PPM1L: variants seen among roughly 807,000 people sequenced by gnomAD.
PPM1L encodes protein phosphatase, Mg2+/Mn2+ dependent 1L.
In PPM1L, 13 loss-of-function variants were observed where a neutral mutation model predicts 31.4. The observed-to-expected ratio is 0.41, with a 90% CI of 0.27 to 0.66. PPM1L has a LOEUF of 0.66. PPM1L is among the 30% of genes least tolerant of loss of function. The probability of loss-of-function intolerance (pLI) is 0.29; values close to 1 mark genes in which losing one functional copy is unlikely to be tolerated. For synonymous variants in PPM1L, 184 were observed against 175.4 expected (o/e 1.05, Z -0.39); for missense variants, 326 against 453.7 (o/e 0.72, Z 2.56).
intron 1 of PPM1L, among the ~76,000 whole-genome samples, chr3:160,906,116 A>G (rs964830921): frequency 2.0e-5 from 3 of 151,984 alleles, no homozygotes; most frequent in Admixed American, 2.0e-4. Context: ...ATTCTTTAAA[A>G]TTTTATATTT....
chr3:160,915,498 A>G (rs1336274770), intron 1 of PPM1L, among the ~76,000 whole-genome samples: 2 of 152,214 alleles, frequency 1.3e-5, no homozygotes, highest in Admixed American at 6.5e-5. Context: ...GGTAATTTAT[A>G]GATTCAATGC....
intron 1 of PPM1L, among the ~76,000 whole-genome samples, chr3:160,960,067 C>T (rs1209625707): frequency 2.6e-5 from 4 of 151,664 alleles, no homozygotes; most frequent in African/African-American, 9.7e-5. Flanking sequence ...TACATATAGT[C>T]CTATCTCATT....
intron 1 of PPM1L, among the ~76,000 whole-genome samples, chr3:160,761,990 T>C (rs962512020): frequency 6.6e-6 from 1 of 152,228 alleles, no homozygotes; most frequent in Non-Finnish European, 1.5e-5. Flanking sequence ...CAAGATGAGA[T>C]TTGGGTGGGG....
intron 1 of PPM1L, among the ~76,000 whole-genome samples, chr3:160,774,673 C>T (rs1576631535): frequency 1.3e-5 from 2 of 152,186 alleles, no homozygotes; most frequent in South Asian, 2.1e-4. Flanking sequence ...CTGATGGATA[C>T]ACATGCTTGC....
chr3:161,055,569 A>G (rs1719388660), intron 2 of PPM1L, among the ~76,000 whole-genome samples: 1 of 152,134 alleles, frequency 6.6e-6, no homozygotes, highest in South Asian at 2.1e-4. Context: ...CTCATTGTCA[A>G]ACCTTTACGA....
chr3:160,930,792 G>C (rs1297519712), intron 1 of PPM1L, among the ~76,000 whole-genome samples: 1 of 151,904 alleles, frequency 6.6e-6, no homozygotes, highest in Non-Finnish European at 1.5e-5. Flanking sequence ...TGGAGTGAGA[G>C]CTGGTGCCAT....
At chr3:160,794,383 C>CAATAA (rs1345441687) in intron 1 of PPM1L, among the ~76,000 whole-genome samples, 2 of 151,970 alleles carry the variant, frequency 1.3e-5, no homozygotes, top group Non-Finnish European at 2.9e-5. Context: ...TCTCTGTGTC[C>CAATAA]AATAGCTCTC....
At position 160,973,435 on chromosome 3, in the gene PPM1L, C is replaced by T. The variant is rs1209080986; in HGVS notation, c.574+11525C>T. Among the ~76,000 whole-genome samples, 3 of 152,184 alleles carry T rather than the reference C, an allele frequency of 2.0e-5. No homozygotes were observed. The East Asian group carries it at 5.8e-4, about 29-fold the overall frequency. ...CGGTATCTCTTCCTTTCTGTACTAT[C>T]GGGATTGTGTAAACAAGATTTTATA... On this transcript the variant is annotated intron_variant, in intron 2 of 3. Coordinates refer to ENST00000498165, the MANE Select transcript of PPM1L (RefSeq NM_139245.4).
At chr3:161,006,192 T>A (rs1449780859) in intron 2 of PPM1L, among the ~76,000 whole-genome samples, 1 of 152,198 alleles carries the variant, frequency 6.6e-6, no homozygotes, top group Admixed American at 6.6e-5. Context: ...GAAATCTTGT[T>A]AAATGCTGCA....
chr3:161,078,135 T>C lies in PPM1L; in HGVS notation c.*8978T>C, dbSNP rs974830293. On this transcript the variant is annotated 3_prime_UTR_variant, in exon 4 of 4. Coordinates refer to ENST00000498165, the MANE Select transcript of PPM1L (RefSeq NM_139245.4). ...GGAAATTCAAATGAAACCAAGCCAA[T>C]TTCTGATTTAGTAAGATTAAAACCA... 4 of 152,144 alleles carry C rather than the reference T, an allele frequency of 2.6e-5. No individual in the cohort carries two copies. The highest frequency in any genetic ancestry group is 4.4e-5 in the Non-Finnish European group (3 of 68,036). The allele number at this position is 152,144 out of a possible 1,614,324, so 9.4% of individuals were successfully genotyped here.
In PPM1L at chr3:160,757,124, C is replaced by T. The variant is rs1174565250; in HGVS notation, c.399+417C>T. Among the ~76,000 whole-genome samples the T allele has an allele frequency of 2.0e-5, 3 of 152,152 alleles. No individual in the cohort carries two copies. In the East Asian group the frequency reaches 5.8e-4, roughly 29 times the overall value. ...CTGAACTAGGCACAGAGAAGGAAGA[C>T]AATATCTTATGCTTCATTAGGCAAA... On this transcript the variant is annotated intron_variant, in intron 1 of 3. Transcript: ENST00000498165.
intron 1 of PPM1L, among the ~76,000 whole-genome samples, chr3:160,800,259 A>T (rs1712383366): frequency 1.3e-5 from 2 of 152,146 alleles, no homozygotes. Context: ...TTAATTTTAG[A>T]GAACTTTTAA....
intron 1 of PPM1L, among the ~76,000 whole-genome samples, chr3:160,849,844 T>C (rs1576669468): frequency 6.6e-6 from 1 of 152,162 alleles, no homozygotes; most frequent in South Asian, 2.1e-4. Context: ...GAACTTGGGC[T>C]GGAATCCGGG....
chr3:161,007,762 T>G (rs896733887), intron 2 of PPM1L, among the ~76,000 whole-genome samples: 2 of 152,158 alleles, frequency 1.3e-5, no homozygotes. Context: ...CACCCCTGAA[T>G]AGACTTTGGT....
intron 1 of PPM1L, among the ~76,000 whole-genome samples, chr3:160,880,580 A>C (rs1288197444): frequency 6.6e-6 from 1 of 152,102 alleles, no homozygotes; most frequent in African/African-American, 2.4e-5. Context: ...ATACTCCCAA[A>C]TATGTGTTCC....
At chr3:160,908,643 C>T (rs897663366) in intron 1 of PPM1L, among the ~76,000 whole-genome samples, 2 of 152,054 alleles carry the variant, frequency 1.3e-5, no homozygotes, top group Non-Finnish European at 2.9e-5. Flanking sequence ...TATGAACACA[C>T]AGAGATAAAT....
At chr3:161,019,123 A>G (rs1276510827) in intron 2 of PPM1L, among the ~76,000 whole-genome samples, 1 of 152,160 alleles carries the variant, frequency 6.6e-6, no homozygotes, top group East Asian at 1.9e-4. Flanking sequence ...TTTAGATAAT[A>G]CTATAGATGA....
At chr3:161,030,505 A>C (rs923328653) in intron 2 of PPM1L, among the ~76,000 whole-genome samples, 3 of 152,174 alleles carry the variant, frequency 2.0e-5, no homozygotes, top group African/African-American at 7.2e-5. Context: ...GTTATCTATA[A>C]ATCACCTAGT....
intron 1 of PPM1L, 147 bp from the exon 2 acceptor site, chr3:160,961,589 C>A: frequency 1.8e-6 from 1 of 559,538 alleles, no homozygotes; most frequent in South Asian, 3.6e-5. Context: ...CCAGTGGATA[C>A]TAAAAATGAC....
Sources: gnomAD v4.1 joint callset for allele counts (sites outside exome capture counted in the v4.1 genomes callset) on GRCh38, gnomAD v4.1.1 for gene constraint, MANE v1.5 for transcripts, NCBI Gene and HGNC (gene_info 2026-07-23, HGNC 2026-07-21) for gene names.